Variants in KLHL2 observed in about 807,000 individuals in gnomAD.
The protein encoded by KLHL2 is kelch like family member 2.
KLHL2 carries 15 observed loss-of-function variants against 75.8 expected under a neutral mutation model. The observed-to-expected ratio is 0.20, with a 90% CI of 0.13 to 0.30. The LOEUF is 0.30. KLHL2 is among the 10% of genes least tolerant of loss of function. KLHL2 has a pLI of 1.00. For synonymous variants in KLHL2, 214 were observed against 251.9 expected, an observed-to-expected ratio of 0.85 and a Z score of 1.42; for missense variants, 381 against 741.0, an observed-to-expected ratio of 0.51 and a Z score of 5.64.
At chr4:165,238,251 C>T (rs1397677481) in intron 3 of KLHL2, among the ~76,000 whole-genome samples, 3 of 152,138 alleles carry the variant, frequency 2.0e-5, no homozygotes, top group Non-Finnish European at 4.4e-5. Context: ...TTTGTTTTCT[C>T]GTTGTCTCTG....
At chr4:165,270,213 C>T (rs1380340293) in intron 5 of KLHL2, among the ~76,000 whole-genome samples, 1 of 152,112 alleles carries the variant, frequency 6.6e-6, no homozygotes, top group Non-Finnish European at 1.5e-5. Flanking sequence ...TCTAGTTAGC[C>T]ATTCGTCTAA....
chr4:165,285,650 A>G (rs1326989628), intron 5 of KLHL2, among the ~76,000 whole-genome samples: 3 of 152,108 alleles, frequency 2.0e-5, no homozygotes, highest in Admixed American at 2.0e-4. Flanking sequence ...CAGGTGTTCC[A>G]CCTGCCTCGG....
intron 5 of KLHL2, among the ~76,000 whole-genome samples, chr4:165,293,219 C>T (rs1437061240): frequency 6.6e-6 from 1 of 152,142 alleles, no homozygotes; most frequent in African/African-American, 2.4e-5. Context: ...CACTGATAGT[C>T]TTTTCCCCCC....
At chr4:165,309,365 C>G (rs912300674) in intron 9 of KLHL2, among the ~76,000 whole-genome samples, 2 of 152,154 alleles carry the variant, frequency 1.3e-5, no homozygotes, top group Non-Finnish European at 2.9e-5. Flanking sequence ...TGATAGGAGC[C>G]TGTCCGATTA....
At chr4:165,219,770 T>C (rs538921393) in intron 1 of KLHL2, 164 bp from the exon 2 acceptor site, 1 of 1,341,110 alleles carries the variant, frequency 7.5e-7, no homozygotes, top group African/African-American at 1.5e-5. Flanking sequence ...TCAGAAACTG[T>C]TCTTAATTGT....
At chr4:165,310,097 GGAGGCCAAGGCGGGCAGATCAC>G (rs1316536897) in intron 9 of KLHL2, among the ~76,000 whole-genome samples, 5 of 152,262 alleles carry the variant, frequency 3.3e-5, no homozygotes, top group African/African-American at 9.6e-5. Flanking sequence ...CAGCAGTTTG[GGAGGCCAAGGCGGGCAGATCAC>G]GAGGTCAGGA....
At position 165,259,405 on chromosome 4, in the gene KLHL2, G is replaced by T. The variant is rs932336809; in HGVS notation, c.382-3792G>T. On this transcript the variant is annotated intron_variant, in intron 4 of 14. Transcript: ENST00000226725. ...ATTACAGGTGTGAGCCACCAAGCCT[G>T]CCCTGAACCTATATTCTTAACTATT... Among the ~76,000 whole-genome samples, 7 of 152,310 alleles carry T rather than the reference G, an allele frequency of 4.6e-5. 1 individual carries two copies. The highest frequency in any genetic ancestry group is 1.3e-4 in the Admixed American group (2 of 15,296).
chr4:165,264,605 T>TATATATATATATATATAC lies in KLHL2; in HGVS notation c.544+1247_544+1248insTATATATATATATATACA, dbSNP rs757273597. Among the ~76,000 whole-genome samples the TATATATATATATATATAC allele has an allele frequency of 1.5e-3, 186 of 124,084 alleles. 1 individual carries two copies. Among genetic ancestry groups the TATATATATATATATATAC allele is most frequent in the African/African-American group, 4.7e-3 (151 of 32,288 alleles). The allele number at this position is 124,084 out of a possible 152,430, so 81.4% of individuals were successfully genotyped here. On this transcript the variant is annotated intron_variant, in intron 5 of 14. Coordinates refer to ENST00000226725, the MANE Select transcript of KLHL2 (RefSeq NM_007246.4). The stretch of plus-strand genomic sequence containing the variant: ...TCCATCATATATATATATATATATA[T>TATATATATATATATATAC]ACACACACACACGTACGTATATACA...
intron 3 of KLHL2, among the ~76,000 whole-genome samples, chr4:165,234,549 G>A (rs181826812): frequency 9.6e-4 from 145 of 151,158 alleles, no homozygotes; most frequent in African/African-American, 3.4e-3. Flanking sequence ...TTTTGCAATG[G>A]ATAAGTGAAG....
At chr4:165,277,169 T>G (rs1743187181) in intron 5 of KLHL2, among the ~76,000 whole-genome samples, 1 of 152,164 alleles carries the variant, frequency 6.6e-6, no homozygotes, top group Non-Finnish European at 1.5e-5. Context: ...GTTAGAACCT[T>G]CTGAATATAA....
chr4:165,223,972 T>G (rs745753941), intron 2 of KLHL2: 14 of 450,106 alleles, frequency 3.1e-5, no homozygotes, highest in South Asian at 2.2e-4. Flanking sequence ...TGGAATGCAG[T>G]GGCGTGATCT....
At chr4:165,287,572 C>CT (rs143292056) in intron 5 of KLHL2, among the ~76,000 whole-genome samples, 50,639 of 151,724 alleles carry the variant, frequency 0.33, 9,160 homozygotes, top group African/African-American at 0.44. Flanking sequence ...AACCTCCATG[C>CT]TTTTTTTTAT....
intron 4 of KLHL2, among the ~76,000 whole-genome samples, chr4:165,262,303 A>C (rs893080696): frequency 6.6e-6 from 1 of 152,202 alleles, no homozygotes; most frequent in Non-Finnish European, 1.5e-5. Context: ...TAGCACATAT[A>C]TTACATTCTA....
intron 5 of KLHL2, among the ~76,000 whole-genome samples, chr4:165,273,075 T>C (rs928757539): frequency 2.0e-5 from 3 of 152,218 alleles, no homozygotes; most frequent in African/African-American, 7.2e-5. Context: ...ATTGCAAGCA[T>C]GTACAAGAAT....
intron 5 of KLHL2, among the ~76,000 whole-genome samples, chr4:165,285,693 C>T (rs576738038): frequency 3.3e-5 from 5 of 152,190 alleles, no homozygotes; most frequent in East Asian, 3.9e-4. Context: ...AGGCATGAGC[C>T]GCCATGCCTG....
At chr4:165,237,611 C>G (rs542755412) in intron 3 of KLHL2, among the ~76,000 whole-genome samples, 1 of 152,190 alleles carries the variant, frequency 6.6e-6, no homozygotes, top group Admixed American at 6.5e-5. Flanking sequence ...ATAGACTTTT[C>G]TGATAGTTTA....
chr4:165,258,283 A>G (rs1741347461), intron 4 of KLHL2, among the ~76,000 whole-genome samples: 1 of 152,112 alleles, frequency 6.6e-6, no homozygotes, highest in Admixed American at 6.6e-5. Flanking sequence ...TTTGGAATAT[A>G]CTTAAATCCA....
rs780803342 is a variant in KLHL2 at position 165,207,921 on chromosome 4, G to C, written c.26+19G>C. 1.4e-6 allele frequency: 2 copies of C among 1,407,532 alleles called. No individual in the cohort carries two copies. The highest frequency in any genetic ancestry group is 2.6e-5 in the Admixed American group (1 of 38,412). 87.2% of individuals were successfully genotyped at this position (1,407,532 alleles called of 1,614,324 possible). ...CTCCCGCGTGAGTGAGCGGGCGGGC[G>C]GGCTGCGCCGCTGCGGATAAGCGCG... is the stretch of plus-strand genomic sequence containing the variant. On this transcript the variant is annotated intron_variant, in intron 1 of 14. Transcript: ENST00000226725. This position sits in a 1 kb window ranked among gnomAD's most constrained non-coding sequence, Gnocchi z 4.2.
At chr4:165,266,688 T>A (rs1207610954) in intron 5 of KLHL2, among the ~76,000 whole-genome samples, 1 of 152,214 alleles carries the variant, frequency 6.6e-6, no homozygotes, top group Admixed American at 6.5e-5. Context: ...TATCTCTGTT[T>A]TGGTACCAGT....
Sources: allele counts gnomAD v4.1 joint callset (sites outside exome capture counted in the v4.1 genomes callset), GRCh38; gene constraint gnomAD v4.1.1; non-coding constraint Gnocchi (gnomAD v3.1); transcripts MANE v1.5; gene names NCBI Gene and HGNC (gene_info 2026-07-23, HGNC 2026-07-21).